PCDH15: variants seen among roughly 807,000 people sequenced by gnomAD.
The protein encoded by PCDH15 is protocadherin-15.
In PCDH15, 129 loss-of-function variants were observed where a neutral mutation model predicts 178.5. That is an observed-to-expected ratio of 0.72 (90% CI 0.63 to 0.84). PCDH15 has a LOEUF of 0.84. Among genes scored for constraint, PCDH15 ranks in the 40% least tolerant of loss-of-function variants. The pLI is 0.00. For missense variants in PCDH15, 2,230 were observed against 2,099.9 expected (o/e 1.06, Z -1.21); for synonymous variants, 800 against 732.0 (o/e 1.09, Z -1.50).
intron 2 of PCDH15, among the ~76,000 whole-genome samples, chr10:54,631,199 G>A (rs1590694383): frequency 6.6e-6 from 1 of 152,068 alleles, no homozygotes; most frequent in East Asian, 1.9e-4. Flanking sequence ...AAAATGTGTG[G>A]CACTTCCCCA....
At chr10:54,314,322 C>T (rs1338357370) in intron 8 of PCDH15, among the ~76,000 whole-genome samples, 2 of 152,064 alleles carry the variant, frequency 1.3e-5, no homozygotes, top group Non-Finnish European at 2.9e-5. Context: ...GCCCAATATA[C>T]TTGATCCTTA....
At chr10:55,390,637 T>C (rs1443861960) in intron 2 of PCDH15, among the ~76,000 whole-genome samples, 1 of 152,202 alleles carries the variant, frequency 6.6e-6, no homozygotes, top group Non-Finnish European at 1.5e-5. Context: ...CTACTGCAGC[T>C]ACAGCATTAT....
At chr10:54,113,639 G>GACACACACACACACACACGCACAC (rs2095062769) in intron 15 of PCDH15, among the ~76,000 whole-genome samples, 1 of 149,750 alleles carries the variant, frequency 6.7e-6, no homozygotes, top group African/African-American at 2.5e-5. Flanking sequence ...TCCCAACACA[G>GACACACACACACACACACGCACAC]ACACACACAC....
intron 17 of PCDH15, among the ~76,000 whole-genome samples, chr10:54,075,233 C>A (rs1227848619): frequency 5.3e-5 from 8 of 151,854 alleles, no homozygotes; most frequent in Non-Finnish European, 2.9e-5. Context: ...AAAAAATAGC[C>A]AGGCATGGTG....
intron 2 of PCDH15, among the ~76,000 whole-genome samples, chr10:55,545,286 T>A (rs1841855121): frequency 6.6e-6 from 1 of 151,402 alleles, no homozygotes; most frequent in Non-Finnish European, 1.5e-5. Context: ...TTTTTTTTTT[T>A]AGATGGAGTC....
At chr10:54,706,424 T>G (rs1396340773) in intron 1 of PCDH15, among the ~76,000 whole-genome samples, 1 of 152,160 alleles carries the variant, frequency 6.6e-6, no homozygotes, top group Non-Finnish European at 1.5e-5. Flanking sequence ...GAATTTAAAT[T>G]GCATTGAAAA....
At chr10:54,480,428 T>A (rs1406547759) in intron 3 of PCDH15, among the ~76,000 whole-genome samples, 2 of 152,028 alleles carry the variant, frequency 1.3e-5, no homozygotes, top group African/African-American at 4.8e-5. Context: ...CTTGTGAGAC[T>A]GTGGGACTTT....
In PCDH15 at chr10:55,352,646, G is replaced by A. The variant is rs528202767; in HGVS notation, c.-155-185995C>T. Among the ~76,000 whole-genome samples the A allele has an allele frequency of 2.6e-5, 4 of 152,162 alleles. No individual in the cohort carries two copies. In the East Asian group the frequency reaches 5.8e-4, roughly 22 times the overall value. On this transcript the variant is annotated intron_variant, in intron 2 of 5. Coordinates refer to the PCDH15 transcript ENST00000613346. ...TAAGTTGTTGCCTCATGAGCTGAGC[G>A]AAAATCAAAAAAGTCATCGTTTTGA... is the stretch of plus-strand genomic sequence containing the variant.
chr10:54,496,520 G>A (rs963443800), intron 3 of PCDH15, among the ~76,000 whole-genome samples: 1 of 152,122 alleles, frequency 6.6e-6, no homozygotes, highest in South Asian at 2.1e-4. Flanking sequence ...ATCACCCAGA[G>A]CTGCCCACTC....
chr10:54,608,175 A>G (rs1235876745), intron 2 of PCDH15, among the ~76,000 whole-genome samples: 1 of 151,936 alleles, frequency 6.6e-6, no homozygotes, highest in African/African-American at 2.4e-5. Context: ...ACTTCGCTCA[A>G]TAAAAGGAGA....
At chr10:54,062,805 T>C (rs1188779122) in intron 18 of PCDH15, among the ~76,000 whole-genome samples, 1 of 152,092 alleles carries the variant, frequency 6.6e-6, no homozygotes, top group Non-Finnish European at 1.5e-5. Flanking sequence ...GGAAAAGAAA[T>C]TTAACTAAAA....
chr10:55,114,932 A>C (rs79424761), intron 2 of PCDH15, among the ~76,000 whole-genome samples: 3 of 152,208 alleles, frequency 2.0e-5, no homozygotes, highest in African/African-American at 7.2e-5. Flanking sequence ...AGATATTCAC[A>C]TTTTAAATAC....
chr10:54,557,898 G>A (rs1330698407), intron 2 of PCDH15, among the ~76,000 whole-genome samples: 1 of 151,950 alleles, frequency 6.6e-6, no homozygotes, highest in African/African-American at 2.4e-5. Context: ...TTTGGCTCTT[G>A]GCTTAGAATG....
intron 3 of PCDH15, among the ~76,000 whole-genome samples, chr10:54,467,248 T>C (rs1340403370): frequency 6.6e-6 from 1 of 151,848 alleles, no homozygotes; most frequent in African/African-American, 2.4e-5. Context: ...CTTAGAGGAA[T>C]GGCTTTCCAC....
intron 2 of PCDH15, among the ~76,000 whole-genome samples, chr10:55,102,961 T>C (rs1564800125): frequency 6.6e-6 from 1 of 152,050 alleles, no homozygotes; most frequent in Non-Finnish European, 1.5e-5. Flanking sequence ...TCATGTTGAG[T>C]CTGCTGAGGA....
At chr10:55,382,027 A>G (rs1014151597) in intron 2 of PCDH15, among the ~76,000 whole-genome samples, 2 of 152,186 alleles carry the variant, frequency 1.3e-5, no homozygotes, top group Non-Finnish European at 2.9e-5. Flanking sequence ...ATCCAGCTAC[A>G]GCTATAAGTC....
At chr10:54,848,141 G>A (rs1296121067) in intron 3 of PCDH15, among the ~76,000 whole-genome samples, 3 of 152,110 alleles carry the variant, frequency 2.0e-5, no homozygotes, top group Admixed American at 6.6e-5. Flanking sequence ...CACTTTGGGA[G>A]GCCAAGGTGG....
intron 3 of PCDH15, among the ~76,000 whole-genome samples, chr10:54,888,738 TGTTG>T (rs1276794329): frequency 6.6e-6 from 1 of 151,170 alleles, no homozygotes; most frequent in Non-Finnish European, 1.5e-5. Flanking sequence ...ATTTTCCTGT[TGTTG>T]TTTTTTTTCA....
At chr10:54,264,338 A>G (rs550430003) in intron 8 of PCDH15, among the ~76,000 whole-genome samples, 9 of 152,148 alleles carry the variant, frequency 5.9e-5, no homozygotes, top group Non-Finnish European at 1.2e-4. Flanking sequence ...AAGCACAAGA[A>G]CTCTGGCAAT....
Sources: allele counts gnomAD v4.1 joint callset (sites outside exome capture counted in the v4.1 genomes callset), GRCh38; gene constraint gnomAD v4.1.1; transcripts MANE v1.5; gene names NCBI Gene and HGNC (gene_info 2026-07-23, HGNC 2026-07-21).